Variants in CDH11 observed in about 807,000 individuals in gnomAD.
CDH11 encodes cadherin-11.
A neutral mutation model predicts 67.8 loss-of-function variants in CDH11; 11 were observed. That is an observed-to-expected ratio of 0.16 (90% CI 0.10 to 0.27). The LOEUF (loss-of-function observed/expected upper bound fraction) is 0.27. Ranked by LOEUF, CDH11 falls within the 10% of genes least tolerant of loss-of-function variation. CDH11 has a pLI of 1.00. For synonymous variants in CDH11, 419 were observed against 400.0 expected, an observed-to-expected ratio of 1.05 and a Z score of -0.57; for missense variants, 847 against 1,031.2, an observed-to-expected ratio of 0.82 and a Z score of 2.45.
At chr16:65,117,613 A>G (rs372941160) in intron 1 of CDH11, among the ~76,000 whole-genome samples, 2 of 152,352 alleles carry the variant, frequency 1.3e-5, no homozygotes, top group African/African-American at 2.4e-5. Flanking sequence ...ACAGTAAAAC[A>G]TTTACTGCTA....
At chr16:65,074,643 A>G (rs542646680) in intron 1 of CDH11, among the ~76,000 whole-genome samples, 2 of 152,130 alleles carry the variant, frequency 1.3e-5, no homozygotes, top group Non-Finnish European at 2.9e-5. Flanking sequence ...TTCCAAGCCC[A>G]TATCTTCCCC....
chr16:65,087,615 A>T (rs556756778), intron 1 of CDH11, among the ~76,000 whole-genome samples: 2 of 152,316 alleles, frequency 1.3e-5, no homozygotes, highest in Admixed American at 1.3e-4. Context: ...CATTAGGTAA[A>T]TTGTTTGCAA....
chr16:64,972,300 A>T (rs1186430888), intron 9 of CDH11, among the ~76,000 whole-genome samples: 1 of 152,210 alleles, frequency 6.6e-6, no homozygotes, highest in Non-Finnish European at 1.5e-5. Flanking sequence ...ACATCTGCTG[A>T]CTTTGATGCT....
intron 3 of CDH11, among the ~76,000 whole-genome samples, chr16:65,000,438 G>A (rs1037900182): frequency 6.6e-6 from 1 of 152,130 alleles, no homozygotes; most frequent in South Asian, 2.1e-4. Flanking sequence ...AAAAGACCTT[G>A]GTTCTACCTA....
intron 1 of CDH11, among the ~76,000 whole-genome samples, chr16:65,079,001 C>T (rs887256262): frequency 1.3e-5 from 2 of 152,216 alleles, no homozygotes; most frequent in East Asian, 1.9e-4. Flanking sequence ...GTGTTGATTC[C>T]GAAGCTAAAA....
intron 1 of CDH11, among the ~76,000 whole-genome samples, chr16:65,083,717 GA>G (rs2074649552): frequency 6.6e-6 from 1 of 152,242 alleles, no homozygotes; most frequent in Admixed American, 6.5e-5. Context: ...CTAATCATCA[GA>G]CATCAGGGGT....
intron 2 of CDH11, among the ~76,000 whole-genome samples, chr16:65,006,363 G>A (rs2073054486): frequency 6.6e-6 from 1 of 152,160 alleles, no homozygotes. Context: ...TCTTCTTTGG[G>A]TGAAATGGTT....
intron 2 of CDH11, among the ~76,000 whole-genome samples, chr16:65,009,440 C>T (rs2073130934): frequency 6.6e-6 from 1 of 152,040 alleles, no homozygotes; most frequent in Admixed American, 6.6e-5. Flanking sequence ...GTGTAGGTTA[C>T]AAAAGTGTAT....
chr16:65,091,579 TCTCA>T (rs1281186386), intron 1 of CDH11, among the ~76,000 whole-genome samples: 6 of 146,842 alleles, frequency 4.1e-5, no homozygotes, highest in African/African-American at 1.5e-4. Context: ...TGAGACGGAG[TCTCA>T]CTCTGTGGCC....
chr16:64,951,849 T>A, intron 11 of CDH11, among the ~76,000 whole-genome samples: 1 of 152,066 alleles, frequency 6.6e-6, no homozygotes, highest in East Asian at 1.9e-4. Context: ...TTATGGTTTC[T>A]TTAAAACCCC....
At chr16:65,114,942 A>G (rs760335996) in intron 1 of CDH11, among the ~76,000 whole-genome samples, 1 of 152,214 alleles carries the variant, frequency 6.6e-6, no homozygotes, top group Non-Finnish European at 1.5e-5. Flanking sequence ...TAAAACTGTC[A>G]CTGCTCAAAC....
chr16:64,999,612 C>A (rs8050399), intron 3 of CDH11, among the ~76,000 whole-genome samples: 1,546 of 152,260 alleles, frequency 0.01, 32 homozygotes, highest in African/African-American at 0.036. Flanking sequence ...CGGCTCACTG[C>A]AGCCTCTGCC....
At chr16:64,972,148 T>G in intron 9 of CDH11, 84 bp from the exon 10 acceptor site, 1 of 1,221,188 alleles carries the variant, frequency 8.2e-7, no homozygotes, top group East Asian at 2.3e-5. Flanking sequence ...AAGAGTAAGC[T>G]CCAGCCACCT....
chr16:65,114,441 T>G lies in CDH11; in HGVS notation c.-298+7439A>C, dbSNP rs538922020. On this transcript the variant is annotated intron_variant, in intron 1 of 12. Coordinates refer to ENST00000268603, the MANE Select transcript of CDH11 (RefSeq NM_001797.4). ...CCAGCTTTCCTTCTCCCCAGACTCA[T>G]GAGCTTAGATAAGTGTCTTAAATTC... Among the ~76,000 whole-genome samples, 4 of 152,046 alleles carry G rather than the reference T, an allele frequency of 2.6e-5. No individual in the cohort carries two copies. The East Asian group carries it at 5.8e-4, about 22-fold the overall frequency.
intron 1 of CDH11, among the ~76,000 whole-genome samples, chr16:65,063,642 A>C (rs1309396310): frequency 2.6e-5 from 4 of 152,166 alleles, no homozygotes; most frequent in African/African-American, 9.6e-5. Context: ...TGATATCTGC[A>C]AATGTTCTAC....
upstream of CDH11, among the ~76,000 whole-genome samples, chr16:65,123,380 G>C (rs896627316): frequency 2.0e-5 from 3 of 152,094 alleles, no homozygotes; most frequent in South Asian, 6.2e-4. Flanking sequence ...GGGGAAGGAG[G>C]CTGCGGAGGG....
At chr16:64,997,647 T>C (rs8044083) in intron 4 of CDH11, among the ~76,000 whole-genome samples, 1 of 152,070 alleles carries the variant, frequency 6.6e-6, no homozygotes, top group African/African-American at 2.4e-5. Context: ...AGGTGGGAAA[T>C]GGTTCAGGCT....
intron 1 of CDH11, among the ~76,000 whole-genome samples, chr16:65,096,647 A>G (rs1318999842): frequency 6.7e-6 from 1 of 150,286 alleles, no homozygotes; most frequent in South Asian, 2.1e-4. Context: ...CATATGTATT[A>G]CATGTATATA....
chr16:64,966,147 T>A (rs1356253616), intron 11 of CDH11, among the ~76,000 whole-genome samples: 1 of 152,016 alleles, frequency 6.6e-6, no homozygotes, highest in African/African-American at 2.4e-5. Flanking sequence ...TCTTCCAAAA[T>A]GTAAAGTAGC....
Sources: gnomAD v4.1 joint callset for allele counts (sites outside exome capture counted in the v4.1 genomes callset) on GRCh38, gnomAD v4.1.1 for gene constraint, MANE v1.5 for transcripts, NCBI Gene and HGNC (gene_info 2026-07-23, HGNC 2026-07-21) for gene names.